IL34: variants seen among roughly 807,000 people sequenced by gnomAD.
IL34 encodes interleukin-34.
IL34 carries 17 observed loss-of-function variants against 25.3 expected under a neutral mutation model. The observed-to-expected ratio is 0.67, with a 90% CI of 0.46 to 1.01. IL34 has a LOEUF of 1.01. Ranked by LOEUF, IL34 falls within the 50% of genes least tolerant of loss-of-function variation. IL34 has a pLI of 0.00. For synonymous variants in IL34, 174 were observed against 140.9 expected (o/e 1.23, Z -1.66); for missense variants, 368 against 312.9 (o/e 1.18, Z -1.33).
chr16:70,615,925 C>T (rs940472163), intron 1 of IL34, among the ~76,000 whole-genome samples: 2 of 152,166 alleles, frequency 1.3e-5, no homozygotes, highest in East Asian at 1.9e-4. Context: ...TGCACTCCAG[C>T]GTGGGTGACA....
At chr16:70,634,661 C>T (rs956524721) in intron 1 of IL34, among the ~76,000 whole-genome samples, 1 of 148,386 alleles carries the variant, frequency 6.7e-6, no homozygotes, top group Non-Finnish European at 1.5e-5. Flanking sequence ...GCCTGGGCGA[C>T]AGAGCGAGAT....
intron 1 of IL34, among the ~76,000 whole-genome samples, chr16:70,623,911 G>A (rs1293400047): frequency 2.0e-5 from 3 of 148,660 alleles, no homozygotes; most frequent in Non-Finnish European, 4.5e-5. Context: ...AGGGAAACAG[G>A]CCCTTGAAAA....
intron 1 of IL34, among the ~76,000 whole-genome samples, chr16:70,581,298 C>T (rs2050633753): frequency 6.6e-6 from 1 of 152,130 alleles, no homozygotes; most frequent in Non-Finnish European, 1.5e-5. Flanking sequence ...GTTAACAGAC[C>T]CATCCCTGGA....
At chr16:70,653,033 C>T (rs1319747147) in intron 1 of IL34, among the ~76,000 whole-genome samples, 2 of 151,888 alleles carry the variant, frequency 1.3e-5, no homozygotes, top group Non-Finnish European at 2.9e-5. Flanking sequence ...GGTGAAACCC[C>T]ATCTCTACTA....
rs147466048 is a variant in IL34, at chr16:70,631,566, A to C, written c.-400-14982A>C. 2.0e-5 allele frequency among the ~76,000 whole-genome samples: 3 copies of C among 152,204 alleles called. No homozygotes were observed. In the East Asian group the frequency reaches 5.8e-4, roughly 29 times the overall value. On this transcript the variant is annotated intron_variant, in intron 1 of 6. Transcript: ENST00000429149. ...ATATAATGTTTTGGAGGATGTCCCA[A>C]TGACCTTTTAGAGTCTCTGGGCTGT...
At chr16:70,582,952 T>G (rs557011229) in intron 1 of IL34, among the ~76,000 whole-genome samples, 1 of 152,006 alleles carries the variant, frequency 6.6e-6, no homozygotes, top group East Asian at 1.9e-4. Flanking sequence ...CGAGTTGAGT[T>G]TGGAGAAGGG....
chr16:70,613,623 C>T (rs907324239), intron 1 of IL34, among the ~76,000 whole-genome samples: 20 of 152,064 alleles, frequency 1.3e-4, no homozygotes, highest in African/African-American at 4.3e-4. Context: ...CCTGTAATCC[C>T]AACACTTTGG....
chr16:70,628,578 G>A (rs1324749631), intron 1 of IL34, among the ~76,000 whole-genome samples: 12 of 150,894 alleles, frequency 8.0e-5, no homozygotes, highest in Admixed American at 6.6e-4. Flanking sequence ...TCTCCGGCTC[G>A]CGGGTTCAAG....
At chr16:70,610,939 A>G (rs763285626) in intron 1 of IL34, among the ~76,000 whole-genome samples, 1 of 150,968 alleles carries the variant, frequency 6.6e-6, no homozygotes, top group Non-Finnish European at 1.5e-5. Context: ...CCCCCCTTCC[A>G]TCCTTTGTGA....
chr16:70,609,455 G>T (rs2051058929), intron 1 of IL34, among the ~76,000 whole-genome samples: 1 of 152,086 alleles, frequency 6.6e-6, no homozygotes, highest in South Asian at 2.1e-4. Flanking sequence ...TAATCTCTCA[G>T]CCTTAGTCTT....
In IL34 at chr16:70,607,499, T is replaced by A. The variant is rs141403084; in HGVS notation, c.-401+27450T>A. Among the ~76,000 whole-genome samples, 163 of 152,324 alleles carry A rather than the reference T, an allele frequency of 1.1e-3. 1 individual carries two copies. The highest frequency in any genetic ancestry group is 3.7e-3 in the African/African-American group (153 of 41,570). On this transcript the variant is annotated intron_variant, in intron 1 of 6. Coordinates refer to the IL34 transcript ENST00000429149. ...ATCCCTCCCCCTTTTTCTGGCCTGATTGCACTGGCTGGAATCTCCAGCACA... is the reference window on the plus strand; with the variant it reads ...ATCCCTCCCCCTTTTTCTGGCCTGAATGCACTGGCTGGAATCTCCAGCACA...
intron 1 of IL34, among the ~76,000 whole-genome samples, chr16:70,634,627 C>T (rs547676887): frequency 1.3e-5 from 2 of 151,962 alleles, no homozygotes; most frequent in South Asian, 4.2e-4. Context: ...TTGCAGTGAG[C>T]CGAGATCGTG....
chr16:70,656,860 C>A (rs570247277), intron 3 of IL34, 100 bp from the exon 4 acceptor site: 4 of 1,340,286 alleles, frequency 3.0e-6, no homozygotes, highest in Admixed American at 3.6e-5. Flanking sequence ...GCGGACGGCC[C>A]GCGTCTGCTC....
At chr16:70,586,799 G>A (rs1011024874) in intron 1 of IL34, among the ~76,000 whole-genome samples, 2 of 152,192 alleles carry the variant, frequency 1.3e-5, no homozygotes, top group African/African-American at 4.8e-5. Flanking sequence ...AAGAAATCGA[G>A]GTACAGGGAA....
At chr16:70,659,591 C>G (rs752849330) in intron 4 of IL34, 27 bp from the exon 5 acceptor site, 1 of 1,584,374 alleles carries the variant, frequency 6.3e-7, no homozygotes, top group East Asian at 2.3e-5. Flanking sequence ...ATCTCGCCAC[C>G]GCTCCTGACT....
chr16:70,654,902 C>T (rs1350190209), intron 2 of IL34, among the ~76,000 whole-genome samples: 1 of 152,108 alleles, frequency 6.6e-6, no homozygotes, highest in African/African-American at 2.4e-5. Context: ...CACTTTAATC[C>T]CACCTCCATG....
intron 1 of IL34, among the ~76,000 whole-genome samples, chr16:70,635,735 TATAAA>T (rs1311242484): frequency 1.8e-4 from 27 of 152,308 alleles, no homozygotes; most frequent in East Asian, 1.9e-4. Context: ...ATGATTCAAA[TATAAA>T]AGAAAAAGCC....
intron 2 of IL34, 98 bp from the exon 3 acceptor site, chr16:70,656,504 G>A (rs979523996): frequency 2.4e-5 from 19 of 801,104 alleles, no homozygotes; most frequent in Non-Finnish European, 4.0e-5. Flanking sequence ...GGGTGACAGA[G>A]TGAGACTAAC....
intron 4 of IL34, 109 bp from the exon 5 acceptor site, chr16:70,659,508 TG>T: frequency 1.5e-6 from 2 of 1,345,454 alleles, no homozygotes; most frequent in Non-Finnish European, 2.0e-6. Context: ...ACAGGAAGTC[TG>T]GTCCTTCTTC....
Sources: allele counts gnomAD v4.1 joint callset (sites outside exome capture counted in the v4.1 genomes callset), GRCh38; gene constraint gnomAD v4.1.1; transcripts MANE v1.5; gene names NCBI Gene and HGNC (gene_info 2026-07-23, HGNC 2026-07-21).